ASTN2: variants seen among roughly 807,000 people sequenced by gnomAD.
The protein encoded by ASTN2 is astrotactin 2.
ASTN2 carries 54 observed loss-of-function variants against 139.8 expected under a neutral mutation model. The ratio of observed to expected loss-of-function variants is 0.39; its 90% CI spans 0.31 to 0.48. The LOEUF (loss-of-function observed/expected upper bound fraction) is 0.48. Among genes scored for constraint, ASTN2 ranks in the 20% least tolerant of loss-of-function variants. The pLI, the probability that ASTN2 is intolerant of heterozygous loss-of-function variation, is 0.95. For synonymous variants in ASTN2, 756 were observed against 719.5 expected (o/e 1.05, Z -0.81); for missense variants, 1,565 against 1,725.1 (o/e 0.91, Z 1.64).
chr9:116,459,142 A>C (rs911296226), intron 20 of ASTN2, among the ~76,000 whole-genome samples: 1 of 152,030 alleles, frequency 6.6e-6, no homozygotes, highest in African/African-American at 2.4e-5. Flanking sequence ...GTGCCAAGAA[A>C]ATACAGTGGG....
intron 2 of ASTN2, among the ~76,000 whole-genome samples, chr9:117,274,799 TG>T (rs1199126618): frequency 2.0e-5 from 3 of 152,170 alleles, no homozygotes; most frequent in Non-Finnish European, 4.4e-5. Context: ...TCAAAAGGGG[TG>T]GGCCTTTCCT....
rs147691332 is a variant in ASTN2 at position 116,473,672 on chromosome 9, C to T, written c.3497+13687G>A. 2.8e-4 allele frequency among the ~76,000 whole-genome samples: 42 copies of T among 152,274 alleles called. 2 individuals carry two copies. The highest frequency in any genetic ancestry group is 5.0e-4 in the Non-Finnish European group (34 of 68,018). On this transcript the variant is annotated intron_variant, in intron 20 of 22. Coordinates refer to ENST00000313400, the MANE Select transcript of ASTN2 (RefSeq NM_001365068.1). The stretch of plus-strand genomic sequence containing the variant: ...CAGCACTTTGGGAGGCCAAGGCAGA[C>T]GGATCACCTGACGTCAGGAGTTCGA...
At chr9:116,589,621 A>G (rs1348971953) in intron 19 of ASTN2, among the ~76,000 whole-genome samples, 2 of 152,142 alleles carry the variant, frequency 1.3e-5, no homozygotes, top group Non-Finnish European at 2.9e-5. Flanking sequence ...GGGAATAGAA[A>G]GGAGCCTTAA....
At chr9:117,138,014 T>A (rs2132851546) in intron 4 of ASTN2, among the ~76,000 whole-genome samples, 1 of 152,354 alleles carries the variant, frequency 6.6e-6, no homozygotes, top group African/African-American at 2.4e-5. Flanking sequence ...GCACCATCAA[T>A]ATGAGAGCTA....
intron 10 of ASTN2, among the ~76,000 whole-genome samples, chr9:116,943,904 A>G (rs12345430): frequency 0.053 from 8,002 of 152,264 alleles, 687 homozygotes; most frequent in African/African-American, 0.18. Context: ...CTCTATGATG[A>G]GTACTAAAAA....
intron 16 of ASTN2, among the ~76,000 whole-genome samples, chr9:116,654,235 C>T (rs1858084524): frequency 6.6e-6 from 1 of 152,210 alleles, no homozygotes. Flanking sequence ...TGGAACACAG[C>T]CACCCCCATT....
intron 5 of ASTN2, among the ~76,000 whole-genome samples, chr9:117,095,086 G>A (rs1056510817): frequency 3.3e-5 from 5 of 152,140 alleles, no homozygotes; most frequent in African/African-American, 9.7e-5. Flanking sequence ...AGGAGAGAAG[G>A]ACCAGTTTCC....
At chr9:117,106,706 T>C (rs932437737) in intron 4 of ASTN2, among the ~76,000 whole-genome samples, 3 of 152,228 alleles carry the variant, frequency 2.0e-5, no homozygotes, top group Admixed American at 6.5e-5. Flanking sequence ...TTTATATGCA[T>C]ACGTTTTTAC....
intron 3 of ASTN2, among the ~76,000 whole-genome samples, chr9:117,170,668 A>G (rs1363138367): frequency 6.6e-6 from 1 of 152,154 alleles, no homozygotes; most frequent in African/African-American, 2.4e-5. Context: ...GAGACTGAAG[A>G]GGTCACAAGC....
intron 5 of ASTN2, among the ~76,000 whole-genome samples, chr9:117,076,163 G>A (rs749394799): frequency 2.0e-5 from 3 of 152,210 alleles, no homozygotes; most frequent in Non-Finnish European, 2.9e-5. Context: ...TGAATTCCAT[G>A]CTGGCATAAA....
intron 2 of ASTN2, among the ~76,000 whole-genome samples, chr9:117,250,739 A>G (rs1385866750): frequency 2.0e-5 from 3 of 152,196 alleles, no homozygotes; most frequent in Non-Finnish European, 4.4e-5. Flanking sequence ...CTCATGAGAA[A>G]CACAGATACT....
intron 10 of ASTN2, among the ~76,000 whole-genome samples, chr9:116,912,333 A>G (rs1205001516): frequency 6.6e-6 from 1 of 152,248 alleles, no homozygotes; most frequent in African/African-American, 2.4e-5. Flanking sequence ...TCCTAGGCTT[A>G]GAGTCAGATT....
At chr9:116,694,839 A>G (rs2132061320) in intron 16 of ASTN2, among the ~76,000 whole-genome samples, 1 of 152,120 alleles carries the variant, frequency 6.6e-6, no homozygotes, top group South Asian at 2.1e-4. Context: ...AGAATTTACC[A>G]TTCATAGTTT....
chr9:117,309,286 T>C (rs947733112), intron 1 of ASTN2, among the ~76,000 whole-genome samples: 2 of 152,176 alleles, frequency 1.3e-5, no homozygotes, highest in African/African-American at 2.4e-5. Flanking sequence ...CTACTACTTA[T>C]GGTAGCTGAC....
intron 20 of ASTN2, among the ~76,000 whole-genome samples, chr9:116,482,711 T>C (rs559863746): frequency 9.2e-5 from 14 of 152,236 alleles, no homozygotes; most frequent in African/African-American, 3.1e-4. Context: ...TGCTTTTTCT[T>C]CTACTCTTCC....
At chr9:117,132,242 C>T (rs149815095) in intron 4 of ASTN2, among the ~76,000 whole-genome samples, 3,463 of 152,256 alleles carry the variant, frequency 0.023, 72 homozygotes, top group South Asian at 0.035. Flanking sequence ...AGCTGGCTAG[C>T]CAGAGGTGCA....
chr9:116,802,248 G>A (rs765335335), intron 13 of ASTN2, among the ~76,000 whole-genome samples: 1 of 151,748 alleles, frequency 6.6e-6, no homozygotes, highest in African/African-American at 2.4e-5. Flanking sequence ...CACCACGCCC[G>A]GCTAATTTTT....
At chr9:117,177,898 C>T (rs1830958038) in intron 3 of ASTN2, among the ~76,000 whole-genome samples, 1 of 152,160 alleles carries the variant, frequency 6.6e-6, no homozygotes, top group South Asian at 2.1e-4. Flanking sequence ...TCCTGTGCCT[C>T]ATTTGTTCCA....
chr9:117,179,258 T>G (rs28603321), intron 3 of ASTN2, among the ~76,000 whole-genome samples: 5,910 of 152,322 alleles, frequency 0.039, 191 homozygotes, highest in South Asian at 0.11. Context: ...CATATGTATG[T>G]ATGCATACAT....
Sources: allele counts gnomAD v4.1 joint callset (sites outside exome capture counted in the v4.1 genomes callset), GRCh38; gene constraint gnomAD v4.1.1; transcripts MANE v1.5; gene names NCBI Gene and HGNC (gene_info 2026-07-23, HGNC 2026-07-21).